The following ASAP1 variants were observed in gnomAD, a reference collection of about 807,000 sequenced individuals.
ASAP1 encodes the protein ArfGAP with SH3 domain, ankyrin repeat and PH domain 1.
A neutral mutation model predicts 145.2 loss-of-function variants in ASAP1; 43 were observed. That is an observed-to-expected ratio of 0.30 (90% confidence interval 0.23 to 0.38). ASAP1 has a LOEUF of 0.38. Ranked by LOEUF, ASAP1 falls within the 10% of genes least tolerant of loss-of-function variation. ASAP1 has a pLI of 1.00. For synonymous variants in ASAP1, 546 were observed against 515.5 expected, an observed-to-expected ratio of 1.06 and a Z score of -0.80; for missense variants, 1,018 against 1,355.3, an observed-to-expected ratio of 0.75 and a Z score of 3.91.
At position 130,260,928 on chromosome 8, in the gene ASAP1, A is replaced by G. The variant is rs537481285; in HGVS notation, c.187-23934T>C. On this transcript the variant is annotated intron_variant, in intron 3 of 29. Coordinates refer to ENST00000518721, the MANE Select transcript of ASAP1 (RefSeq NM_018482.4). ...ACCAAATTTGCTTTTCCCCCCCTCA[A>G]GATAAAACACTGTATTTCCAGGAAA... Among the ~76,000 whole-genome samples the G allele has an allele frequency of 3.9e-5, 6 of 152,316 alleles. 1 individual carries two copies. Among genetic ancestry groups the G allele is most frequent in the African/African-American group, 1.4e-4 (6 of 41,564 alleles).
intron 5 of ASAP1, among the ~76,000 whole-genome samples, chr8:130,205,694 T>G (rs1420913437): frequency 6.7e-6 from 1 of 150,156 alleles, no homozygotes; most frequent in Non-Finnish European, 1.5e-5. Context: ...GGGCACCTAA[T>G]AGTCTTTATA....
At chr8:130,229,224 C>G (rs1015298611) in intron 4 of ASAP1, among the ~76,000 whole-genome samples, 1 of 152,148 alleles carries the variant, frequency 6.6e-6, no homozygotes, top group African/African-American at 2.4e-5. Flanking sequence ...ATTGGAGAAA[C>G]CTCTCCAGTC....
chr8:130,384,120 A>C (rs1169104907), intron 2 of ASAP1, among the ~76,000 whole-genome samples: 1 of 152,174 alleles, frequency 6.6e-6, no homozygotes. Flanking sequence ...CCACCCTTGC[A>C]TGGCTCCAGG....
At chr8:130,124,621 C>A (rs2097572036) in intron 17 of ASAP1, among the ~76,000 whole-genome samples, 1 of 152,140 alleles carries the variant, frequency 6.6e-6, no homozygotes, top group Non-Finnish European at 1.5e-5. Context: ...AGCAGAGGAC[C>A]CAGGAACCAT....
At chr8:130,106,697 G>A (rs1161586188) in intron 24 of ASAP1, among the ~76,000 whole-genome samples, 6 of 152,204 alleles carry the variant, frequency 3.9e-5, no homozygotes, top group Admixed American at 3.3e-4. Context: ...CCTACTCTCT[G>A]TGCCAGGGAT....
rs1388176633 is a variant in ASAP1 at position 130,188,106 on chromosome 8, T to C, written c.480+3A>G. 5.0e-6 allele frequency: 8 copies of C among 1,607,512 alleles called. No homozygotes were observed. The highest frequency in any genetic ancestry group is 2.7e-5 in the African/African-American group (2 of 74,746). On this transcript the variant is annotated splice_donor_region_variant and intron_variant, in intron 6 of 29. Coordinates refer to ENST00000518721, the MANE Select transcript of ASAP1 (RefSeq NM_018482.4). ...AGTGAAAATCAAATTTCTGAACACT[T>C]ACTCCTTTGACTCCCTTTAGGTCTC...
intron 27 of ASAP1, among the ~76,000 whole-genome samples, chr8:130,072,825 G>GTGTGTGTGTGTGCGCGCGCGCGCA: frequency 5.5e-5 from 3 of 54,112 alleles, no homozygotes; most frequent in East Asian, 8.0e-4. Flanking sequence ...GTGTGTGTGT[G>GTGTGTGTGTGTGCGCGCGCGCGCA]CGCGCGGGGG....
chr8:130,437,470 A>G (rs77014186), intron 1 of ASAP1, among the ~76,000 whole-genome samples: 7,268 of 152,312 alleles, frequency 0.048, 587 homozygotes, highest in African/African-American at 0.16. Context: ...TGACTACAGT[A>G]GACCCCAGAA....
intron 24 of ASAP1, among the ~76,000 whole-genome samples, chr8:130,110,874 G>A (rs2097545551): frequency 1.3e-5 from 2 of 152,074 alleles, no homozygotes; most frequent in African/African-American, 2.4e-5. Flanking sequence ...ATTGTGTAGC[G>A]AGAAGCCATG....
rs1028395261 is a variant in ASAP1 at position 130,358,830 on chromosome 8, G to C, written c.60-687C>G. Reference sequence around the variant, plus strand: ...CCCGACCCCGGCTGCGCGGCACGGGGGCTCCGGAAGCCCGAGTCCCTGGTT... The same window carrying C: ...CCCGACCCCGGCTGCGCGGCACGGGCGCTCCGGAAGCCCGAGTCCCTGGTT... On this transcript the variant is annotated intron_variant, in intron 2 of 29. Transcript: ENST00000518721. The surrounding 1 kb of genome is among the most constrained non-coding windows in gnomAD (Gnocchi z 4.1). 9.2e-5 allele frequency among the ~76,000 whole-genome samples: 14 copies of C among 151,552 alleles called. No individual in the cohort carries two copies. The highest frequency in any genetic ancestry group is 3.1e-4 in the African/African-American group (13 of 41,296).
chr8:130,193,420 T>G (rs146038922), intron 5 of ASAP1, among the ~76,000 whole-genome samples: 4,030 of 151,874 alleles, frequency 0.027, 61 homozygotes, highest in Middle Eastern at 0.045. Flanking sequence ...AAAAACTCTC[T>G]GCTTTAATTA....
At chr8:130,395,885 C>G (rs1270274694) in intron 2 of ASAP1, among the ~76,000 whole-genome samples, 2 of 152,074 alleles carry the variant, frequency 1.3e-5, no homozygotes, top group African/African-American at 2.4e-5. Flanking sequence ...AGGCTGATCT[C>G]GAACTCCTGA....
intron 24 of ASAP1, among the ~76,000 whole-genome samples, chr8:130,102,979 C>T (rs192079893): frequency 2.0e-4 from 24 of 122,694 alleles, no homozygotes; most frequent in Admixed American, 1.8e-3. Context: ...GCACGAGCCA[C>T]CACATCCAGC....
intron 2 of ASAP1, among the ~76,000 whole-genome samples, chr8:130,371,775 G>C (rs889637516): frequency 1.3e-5 from 2 of 152,206 alleles, no homozygotes; most frequent in Non-Finnish European, 2.9e-5. Context: ...TGGAGGCACT[G>C]ACTAGCTTTG....
At chr8:130,394,464 A>G (rs1425734472) in intron 2 of ASAP1, among the ~76,000 whole-genome samples, 1 of 152,156 alleles carries the variant, frequency 6.6e-6, no homozygotes, top group Non-Finnish European at 1.5e-5. Context: ...TATCAATGAC[A>G]ATGGTGCCCA....
At chr8:130,278,266 T>C (rs748093838) in intron 3 of ASAP1, among the ~76,000 whole-genome samples, 140 of 152,220 alleles carry the variant, frequency 9.2e-4, no homozygotes, top group Non-Finnish European at 1.6e-3. Flanking sequence ...GTCCAGATCT[T>C]TAGGATGGAC....
intron 5 of ASAP1, among the ~76,000 whole-genome samples, chr8:130,202,185 CTG>C: frequency 6.6e-6 from 1 of 152,248 alleles, no homozygotes; most frequent in African/African-American, 2.4e-5. Flanking sequence ...TAAATGGTAA[CTG>C]TGATAGGCAG....
At chr8:130,076,054 C>G (rs2097461634) in intron 27 of ASAP1, among the ~76,000 whole-genome samples, 1 of 152,208 alleles carries the variant, frequency 6.6e-6, no homozygotes, top group Non-Finnish European at 1.5e-5. Flanking sequence ...GTTCCCAAGT[C>G]TCTCTGATTA....
intron 13 of ASAP1, among the ~76,000 whole-genome samples, chr8:130,140,008 T>C (rs1455758998): frequency 6.7e-6 from 1 of 149,464 alleles, no homozygotes; most frequent in Admixed American, 6.7e-5. Flanking sequence ...TATTTACCTC[T>C]CATTTCTTTC....
Sources: gnomAD v4.1 joint callset for allele counts (sites outside exome capture counted in the v4.1 genomes callset) on GRCh38, gnomAD v4.1.1 for gene constraint, Gnocchi (gnomAD v3.1) non-coding constraint, MANE v1.5 for transcripts, NCBI Gene and HGNC (gene_info 2026-07-23, HGNC 2026-07-21) for gene names.